The following TENM4 variants were observed in gnomAD, a reference collection of about 807,000 sequenced individuals.
TENM4 encodes teneurin-4.
A neutral mutation model predicts 243.3 loss-of-function variants in TENM4; 82 were observed. That is an observed-to-expected ratio of 0.34 (90% confidence interval 0.28 to 0.40). The LOEUF (loss-of-function observed/expected upper bound fraction) is 0.40, where lower values mean the gene tolerates loss of function less well. Among genes scored for constraint, TENM4 ranks in the 10% least tolerant of loss-of-function variants. The pLI is 1.00. For missense variants in TENM4, 3,138 were observed against 3,673.3 expected (o/e 0.85, Z 3.77); for synonymous variants, 1,412 against 1,456.3 (o/e 0.97, Z 0.69).
At chr11:79,236,263 G>A (rs1590815964) in intron 2 of TENM4, among the ~76,000 whole-genome samples, 1 of 152,174 alleles carries the variant, frequency 6.6e-6, no homozygotes, top group Admixed American at 6.5e-5. Context: ...AATGCACCTC[G>A]TTATTTGTGG....
chr11:79,087,872 C>T (rs1402036069), intron 4 of TENM4, among the ~76,000 whole-genome samples: 1 of 152,234 alleles, frequency 6.6e-6, no homozygotes, highest in African/African-American at 2.4e-5. Context: ...CTCCAGGCTG[C>T]ACACGCACTA....
intron 12 of TENM4, among the ~76,000 whole-genome samples, chr11:78,832,249 T>A (rs1858001943): frequency 6.6e-6 from 1 of 152,220 alleles, no homozygotes. Flanking sequence ...TAGTCTATAG[T>A]GACCCTCATG....
intron 4 of TENM4, among the ~76,000 whole-genome samples, chr11:79,107,819 G>C (rs370587159): frequency 6.6e-6 from 1 of 152,184 alleles, no homozygotes; most frequent in East Asian, 1.9e-4. Flanking sequence ...CAAGCTTTGA[G>C]GCAAGTACTG....
At chr11:79,017,479 AAG>A (rs1367337857) in intron 6 of TENM4, among the ~76,000 whole-genome samples, 4 of 152,086 alleles carry the variant, frequency 2.6e-5, no homozygotes, top group African/African-American at 7.2e-5. Context: ...AAAAGGGAAA[AAG>A]GCAAAAATAT....
chr11:78,866,227 G>C (rs1181509274), intron 9 of TENM4, among the ~76,000 whole-genome samples: 1 of 152,154 alleles, frequency 6.6e-6, no homozygotes, highest in Non-Finnish European at 1.5e-5. Context: ...AGGTAACGGA[G>C]AAATTGTTTG....
intron 1 of TENM4, among the ~76,000 whole-genome samples, chr11:79,339,350 G>T (rs1349044153): frequency 6.6e-6 from 1 of 152,148 alleles, no homozygotes; most frequent in Non-Finnish European, 1.5e-5. Context: ...GATCAAACTT[G>T]GTAATAGGTC....
intron 28 of TENM4, among the ~76,000 whole-genome samples, chr11:78,694,014 C>CA (rs1361226544): frequency 6.6e-6 from 1 of 151,706 alleles, no homozygotes; most frequent in African/African-American, 2.4e-5. Context: ...GACTCCATCT[C>CA]AAAAAAAATG....
intron 20 of TENM4, among the ~76,000 whole-genome samples, chr11:78,734,388 GT>G (rs1357917825): frequency 1.3e-5 from 2 of 151,760 alleles, no homozygotes; most frequent in Non-Finnish European, 2.9e-5. Context: ...GGCTCATTCA[GT>G]TCCTACTTAT....
chr11:79,336,390 G>C (rs980938508), intron 1 of TENM4, among the ~76,000 whole-genome samples: 1 of 152,180 alleles, frequency 6.6e-6, no homozygotes, highest in African/African-American at 2.4e-5. Context: ...GGTATTAGAT[G>C]ACAGAGGAAA....
intron 9 of TENM4, among the ~76,000 whole-genome samples, chr11:78,881,914 T>C (rs560045359): frequency 6.6e-6 from 1 of 152,320 alleles, no homozygotes; most frequent in Admixed American, 6.5e-5. Flanking sequence ...ACAACCTATA[T>C]ATATCTTGCT....
chr11:79,308,751 C>G (rs948973098), intron 1 of TENM4, among the ~76,000 whole-genome samples: 3 of 152,118 alleles, frequency 2.0e-5, no homozygotes, highest in Non-Finnish European at 4.4e-5. Flanking sequence ...GGCCATGCCA[C>G]CCACTCTGCA....
At chr11:79,180,766 C>A (rs74936151) in intron 3 of TENM4, among the ~76,000 whole-genome samples, 1,768 of 151,184 alleles carry the variant, frequency 0.012, 55 homozygotes, top group African/African-American at 0.041. Context: ...ATCCCTTGAG[C>A]CTAAGAGCTC....
intron 6 of TENM4, among the ~76,000 whole-genome samples, chr11:79,054,416 T>A (rs1056282996): frequency 1.3e-5 from 2 of 152,076 alleles, no homozygotes; most frequent in African/African-American, 4.8e-5. Flanking sequence ...GACTTTTACA[T>A]CATGAATCAT....
intron 27 of TENM4, among the ~76,000 whole-genome samples, chr11:78,704,042 C>T (rs376639335): frequency 0.079 from 11,391 of 144,798 alleles, 507 homozygotes; most frequent in Middle Eastern, 0.14. Flanking sequence ...TATACACACA[C>T]ACACACACAC....
At position 78,726,187 on chromosome 11, in the gene TENM4, G is replaced by A. The variant is rs1413084299; in HGVS notation, c.3442C>T (p.Leu1148=). ...GTTGTTCTTTTTTCCCACAGGATTAGATCTGGGCAGGATTCATATTCATAA... is the reference window on the plus strand; with the variant it reads ...GTTGTTCTTTTTTCCCACAGGATTAAATCTGGGCAGGATTCATATTCATAA... The part of the protein sequence containing the change: ...VGYEYESCPD[L]ILWEKRTTVL... Residue 1148 remains leucine (L), a synonymous_variant, in exon 23 of 34, where the codon CTA becomes TTA. Coordinates refer to ENST00000278550, the MANE Select transcript of TENM4 (RefSeq NM_001098816.3). 1 of 1,614,012 alleles carries A rather than the reference G, an allele frequency of 6.2e-7. No individual in the cohort carries two copies. The highest frequency in any genetic ancestry group is 1.7e-5 in the Admixed American group (1 of 60,026).
chr11:79,387,478 C>T (rs947169275), intron 1 of TENM4, among the ~76,000 whole-genome samples: 3 of 152,202 alleles, frequency 2.0e-5, no homozygotes, highest in African/African-American at 7.2e-5. Context: ...TTAATCTACC[C>T]AGCATTGTTT....
intron 4 of TENM4, among the ~76,000 whole-genome samples, chr11:79,099,488 A>G (rs1191693782): frequency 2.6e-5 from 4 of 152,112 alleles, no homozygotes; most frequent in Non-Finnish European, 4.4e-5. Context: ...GGTCTATATC[A>G]AAGAGGTGGA....
intron 2 of TENM4, among the ~76,000 whole-genome samples, chr11:79,259,349 ACTAT>A (rs1404546559): frequency 1.3e-5 from 2 of 152,184 alleles, no homozygotes; most frequent in African/African-American, 4.8e-5. Context: ...ATAAATATTT[ACTAT>A]CTGTTACATG....
intron 7 of TENM4, among the ~76,000 whole-genome samples, chr11:78,893,256 C>A (rs1855708170): frequency 6.6e-6 from 1 of 152,210 alleles, no homozygotes; most frequent in African/African-American, 2.4e-5. Context: ...TGATGGGAGG[C>A]CTGGTGGCCC....
Sources: gnomAD v4.1 joint callset for allele counts (sites outside exome capture counted in the v4.1 genomes callset) on GRCh38, gnomAD v4.1.1 for gene constraint, MANE v1.5 for transcripts, NCBI Gene and HGNC (gene_info 2026-07-23, HGNC 2026-07-21) for gene names.